The following PPP2R2B variants were observed in gnomAD, a reference collection of about 807,000 sequenced individuals.
PPP2R2B encodes the protein serine/threonine-protein phosphatase 2A 55 kDa regulatory subunit B beta isoform.
PPP2R2B carries 5 observed loss-of-function variants against 46.0 expected under a neutral mutation model. The observed-to-expected ratio is 0.11, with a 90% CI of 0.06 to 0.23. The LOEUF (loss-of-function observed/expected upper bound fraction) is 0.23, where lower values mean the gene tolerates loss of function less well. PPP2R2B is among the 10% of genes least tolerant of loss of function. The pLI is 1.00. For synonymous variants in PPP2R2B, 215 were observed against 206.7 expected (o/e 1.04, Z -0.34); for missense variants, 367 against 575.0 (o/e 0.64, Z 3.70).
intron 5 of PPP2R2B, among the ~76,000 whole-genome samples, chr5:146,677,496 C>T (rs1487033255): frequency 6.6e-6 from 1 of 151,440 alleles, no homozygotes; most frequent in Non-Finnish European, 1.5e-5. Context: ...ATGCTATGAT[C>T]TTATACTTTT....
chr5:147,002,459 C>A lies in PPP2R2B; in HGVS notation c.79+53206G>T, dbSNP rs555319378. On this transcript the variant is annotated intron_variant, in intron 1 of 8. Transcript: ENST00000336640. The stretch of plus-strand genomic sequence containing the variant: ...CCACTTCATTTTTGGGGCATAACAT[C>A]TTTATAGGAAATGGATAAAGTCCCA... 3.3e-5 allele frequency among the ~76,000 whole-genome samples: 5 copies of A among 152,240 alleles called. No homozygotes were observed. In the South Asian group the frequency reaches 1.0e-3, roughly 32 times the overall value.
At chr5:146,848,393 A>T (rs1268485411) in intron 2 of PPP2R2B, among the ~76,000 whole-genome samples, 2 of 152,146 alleles carry the variant, frequency 1.3e-5, no homozygotes, top group Non-Finnish European at 2.9e-5. Flanking sequence ...CCTACCCAGG[A>T]TAGTACATTA....
intron 2 of PPP2R2B, among the ~76,000 whole-genome samples, chr5:147,068,687 T>C (rs760286506): frequency 6.6e-6 from 1 of 152,178 alleles, no homozygotes; most frequent in Non-Finnish European, 1.5e-5. Context: ...AATCATTGAC[T>C]GAAGAAAGAA....
intron 2 of PPP2R2B, among the ~76,000 whole-genome samples, chr5:146,849,116 A>G (rs950226882): frequency 6.6e-6 from 1 of 152,084 alleles, no homozygotes; most frequent in Non-Finnish European, 1.5e-5. Flanking sequence ...TAGTAGCATC[A>G]GACATTTCTT....
chr5:146,718,924 T>A (rs1287165874), intron 2 of PPP2R2B, among the ~76,000 whole-genome samples: 1 of 152,216 alleles, frequency 6.6e-6, no homozygotes, highest in Admixed American at 6.5e-5. Context: ...CAGTGAAGGC[T>A]GCCTGAGTGA....
chr5:146,925,803 G>GT (rs1330391541), intron 1 of PPP2R2B, among the ~76,000 whole-genome samples: 1 of 152,004 alleles, frequency 6.6e-6, no homozygotes. Flanking sequence ...TGTCCCACAG[G>GT]TTTTTGAGGG....
intron 2 of PPP2R2B, among the ~76,000 whole-genome samples, chr5:146,740,526 T>C (rs966366626): frequency 1.3e-5 from 2 of 151,782 alleles, no homozygotes; most frequent in Non-Finnish European, 2.9e-5. Flanking sequence ...CCTCCCTCTT[T>C]CTTTTCCACA....
At chr5:146,761,931 T>C (rs1458565514) in intron 2 of PPP2R2B, among the ~76,000 whole-genome samples, 2 of 152,170 alleles carry the variant, frequency 1.3e-5, no homozygotes, top group Non-Finnish European at 2.9e-5. Context: ...TTGAGCTCTC[T>C]GCAGAGTGTA....
At chr5:146,879,802 A>C (rs755307074), upstream of PPP2R2B, among the ~76,000 whole-genome samples, 15 of 152,154 alleles carry the variant, frequency 9.9e-5, no homozygotes, top group Non-Finnish European at 1.9e-4. Context: ...ATCAACCCCA[A>C]TCAGTAGAAA....
chr5:146,855,659 T>C (rs1760615841), intron 2 of PPP2R2B, among the ~76,000 whole-genome samples: 1 of 152,198 alleles, frequency 6.6e-6, no homozygotes, highest in East Asian at 1.9e-4. Flanking sequence ...CTTTGATCTC[T>C]CTCAGGGTTC....
chr5:146,809,457 T>C (rs1757390743), intron 2 of PPP2R2B, among the ~76,000 whole-genome samples: 1 of 152,008 alleles, frequency 6.6e-6, no homozygotes, highest in Non-Finnish European at 1.5e-5. Flanking sequence ...CAAATAAATG[T>C]ATATTGACTA....
chr5:146,947,745 A>G (rs921370937), intron 1 of PPP2R2B, among the ~76,000 whole-genome samples: 1 of 151,788 alleles, frequency 6.6e-6, no homozygotes, highest in African/African-American at 2.4e-5. Context: ...GTCCTTTCAC[A>G]TCTCACCATC....
At chr5:146,654,145 C>G (rs1776168607) in intron 5 of PPP2R2B, among the ~76,000 whole-genome samples, 1 of 152,162 alleles carries the variant, frequency 6.6e-6, no homozygotes, top group Non-Finnish European at 1.5e-5. Flanking sequence ...CTTCTTGTGC[C>G]AGTCACTGAG....
chr5:147,002,330 A>T (rs1257724458), intron 1 of PPP2R2B, among the ~76,000 whole-genome samples: 1 of 152,144 alleles, frequency 6.6e-6, no homozygotes, highest in Admixed American at 6.5e-5. Context: ...AAGCTAGGAT[A>T]TGGGGAGCCT....
At chr5:146,905,390 G>GTTTGAAAT (rs1271541477) in intron 1 of PPP2R2B, among the ~76,000 whole-genome samples, 1 of 152,120 alleles carries the variant, frequency 6.6e-6, no homozygotes, top group Non-Finnish European at 1.5e-5. Context: ...CTTGTCTTAA[G>GTTTGAAAT]TTTGAAATTT....
chr5:147,038,303 A>G (rs1460538453), intron 1 of PPP2R2B, among the ~76,000 whole-genome samples: 1 of 152,222 alleles, frequency 6.6e-6, no homozygotes, highest in East Asian at 1.9e-4. Context: ...GGGTGATAAA[A>G]GCTATGAAAA....
intron 3 of PPP2R2B, among the ~76,000 whole-genome samples, chr5:146,700,487 A>G (rs953661932): frequency 6.6e-5 from 10 of 152,154 alleles, no homozygotes; most frequent in Non-Finnish European, 8.8e-5. Flanking sequence ...ATGGTCCTAT[A>G]TGTAGCACTC....
intron 7 of PPP2R2B, among the ~76,000 whole-genome samples, chr5:146,628,692 A>G (rs1202896543): frequency 1.3e-5 from 2 of 152,198 alleles, no homozygotes. Flanking sequence ...CACCACACAC[A>G]AGATTGATTG....
intron 1 of PPP2R2B, among the ~76,000 whole-genome samples, chr5:146,945,607 G>T (rs1764454914): frequency 6.6e-6 from 1 of 152,106 alleles, no homozygotes; most frequent in East Asian, 1.9e-4. Context: ...TTTTTTAAGG[G>T]CTGTGTGCCC....
Sources: gnomAD v4.1 joint callset for allele counts (sites outside exome capture counted in the v4.1 genomes callset) on GRCh38, gnomAD v4.1.1 for gene constraint, MANE v1.5 for transcripts, NCBI Gene and HGNC (gene_info 2026-07-23, HGNC 2026-07-21) for gene names.